Variants in PTPRT observed in about 807,000 individuals in gnomAD.
The protein encoded by PTPRT is protein tyrosine phosphatase receptor type T.
A neutral mutation model predicts 176.8 loss-of-function variants in PTPRT; 56 were observed. That is an observed-to-expected ratio of 0.32 (90% CI 0.26 to 0.40). The LOEUF (loss-of-function observed/expected upper bound fraction) is 0.40, where lower values mean the gene tolerates loss of function less well. PTPRT is among the 10% of genes least tolerant of loss of function. PTPRT has a pLI of 1.00. For missense variants in PTPRT, 1,540 were observed against 1,908.2 expected (o/e 0.81, Z 3.60); for synonymous variants, 783 against 739.0 (o/e 1.06, Z -0.96).
intron 8 of PTPRT, among the ~76,000 whole-genome samples, chr20:42,460,401 G>T (rs757407685): frequency 6.6e-6 from 1 of 152,130 alleles, no homozygotes; most frequent in East Asian, 1.9e-4. Flanking sequence ...TACAATGGTG[G>T]CATCGAGTAG....
At chr20:42,873,393 A>C (rs1028777405) in intron 2 of PTPRT, among the ~76,000 whole-genome samples, 2 of 152,232 alleles carry the variant, frequency 1.3e-5, no homozygotes, top group Non-Finnish European at 2.9e-5. Context: ...CCTGGCACAG[A>C]ATGAGTGCTT....
chr20:43,005,005 C>T (rs1984778459), intron 1 of PTPRT, among the ~76,000 whole-genome samples: 1 of 152,126 alleles, frequency 6.6e-6, no homozygotes, highest in Non-Finnish European at 1.5e-5. Flanking sequence ...CCAAGGCTGC[C>T]TATGTGTCTC....
chr20:42,982,200 C>T (rs1484048430), intron 1 of PTPRT, among the ~76,000 whole-genome samples: 3 of 152,174 alleles, frequency 2.0e-5, no homozygotes, highest in Non-Finnish European at 4.4e-5. Context: ...TTTCTGCCTA[C>T]ACTTACCACC....
intron 30 of PTPRT, 150 bp downstream of exon 30, chr20:42,081,732 G>T: frequency 9.6e-7 from 1 of 1,043,346 alleles, no homozygotes; most frequent in South Asian, 1.5e-5. Context: ...GGAAGACACA[G>T]GACAGACAAC....
chr20:42,330,225 C>T (rs1367465604), intron 11 of PTPRT, among the ~76,000 whole-genome samples: 1 of 152,144 alleles, frequency 6.6e-6, no homozygotes, highest in African/African-American at 2.4e-5. Context: ...AATCCCAGCA[C>T]TTTGGGAGGC....
chr20:42,650,183 A>T (rs763015298), intron 7 of PTPRT, among the ~76,000 whole-genome samples: 3 of 152,224 alleles, frequency 2.0e-5, no homozygotes, highest in African/African-American at 7.2e-5. Context: ...TTTACAGGTG[A>T]TGAAGCACAG....
At chr20:42,149,644 G>A (rs373388299) in intron 17 of PTPRT, among the ~76,000 whole-genome samples, 13 of 151,990 alleles carry the variant, frequency 8.6e-5, no homozygotes, top group Non-Finnish European at 1.5e-4. Flanking sequence ...AGCTGGTCTC[G>A]AACTCCTGAC....
At chr20:42,538,890 C>T (rs2072525571) in intron 7 of PTPRT, among the ~76,000 whole-genome samples, 1 of 152,166 alleles carries the variant, frequency 6.6e-6, no homozygotes, top group African/African-American at 2.4e-5. Context: ...ATGTATCCTC[C>T]TGAATCTTTG....
chr20:42,807,325 G>A (rs979591590), intron 2 of PTPRT, among the ~76,000 whole-genome samples: 1 of 152,190 alleles, frequency 6.6e-6, no homozygotes, highest in African/African-American at 2.4e-5. Context: ...TCTGTCAAAA[G>A]TTCACCTGTC....
At chr20:42,612,602 C>G (rs547925117) in intron 7 of PTPRT, among the ~76,000 whole-genome samples, 1 of 152,168 alleles carries the variant, frequency 6.6e-6, no homozygotes, top group South Asian at 2.1e-4. Flanking sequence ...ATTTCAAGCT[C>G]AAAAAAGTCT....
chr20:42,388,403 T>C lies in PTPRT; in HGVS notation c.1561-36118A>G, dbSNP rs112513361. ...TGACAAAGCGCTAATATCCAGAATC[T>C]ACAAAGCACTTAAACAAATTTACAA... On this transcript the variant is annotated intron_variant, in intron 9 of 30. Transcript: ENST00000373187. 2.7e-3 allele frequency among the ~76,000 whole-genome samples: 409 copies of C among 152,200 alleles called. 3 individuals are homozygous for C. Among genetic ancestry groups the C allele is most frequent in the African/African-American group, 9.2e-3 (380 of 41,502 alleles).
At chr20:43,008,683 T>C (rs1412004476) in intron 1 of PTPRT, among the ~76,000 whole-genome samples, 1 of 151,970 alleles carries the variant, frequency 6.6e-6, no homozygotes, top group African/African-American at 2.4e-5. Context: ...AGAATGAGAC[T>C]CCATCTCAAA....
At chr20:42,294,682 T>G (rs1040681609) in intron 12 of PTPRT, among the ~76,000 whole-genome samples, 3 of 151,106 alleles carry the variant, frequency 2.0e-5, no homozygotes, top group Non-Finnish European at 4.4e-5. Context: ...AATCTACCCC[T>G]AACAAGAAAA....
rs568706841 is a variant in PTPRT, at chr20:42,444,522, A to C, written c.1560+3698T>G. Reference sequence around the variant, plus strand: ...AGGCTGTGACTTGGACTTGTGCAGAAGGAAATTTAATCTGAACCACTTGGA... The same window carrying C: ...AGGCTGTGACTTGGACTTGTGCAGACGGAAATTTAATCTGAACCACTTGGA... On this transcript the variant is annotated intron_variant, in intron 9 of 30. Coordinates refer to ENST00000373187, the MANE Select transcript of PTPRT (RefSeq NM_007050.6). Among the ~76,000 whole-genome samples, 311 of 152,304 alleles carry C rather than the reference A, an allele frequency of 2.0e-3. 2 individuals are homozygous for C. Among genetic ancestry groups the C allele is most frequent in the Non-Finnish European group, 3.7e-3 (251 of 68,020 alleles).
At position 43,003,282 on chromosome 20, in the gene PTPRT, G is replaced by T. The variant is rs528964779; in HGVS notation, c.89-117350C>A. Among the ~76,000 whole-genome samples the T allele has an allele frequency of 2.0e-5, 3 of 152,266 alleles. No individual in the cohort carries two copies. In the East Asian group the frequency reaches 5.8e-4, roughly 29 times the overall value. On this transcript the variant is annotated intron_variant, in intron 1 of 30. Coordinates refer to ENST00000373187, the MANE Select transcript of PTPRT (RefSeq NM_007050.6). Reference sequence around the variant, plus strand: ...AGCTCACTGCAGGTCTACCAACTGGGCTCAAGCAATCCTCCTGCATCAGGC... The same window carrying T: ...AGCTCACTGCAGGTCTACCAACTGGTCTCAAGCAATCCTCCTGCATCAGGC...
intron 12 of PTPRT, among the ~76,000 whole-genome samples, chr20:42,304,982 C>A (rs982926351): frequency 5.9e-5 from 9 of 152,118 alleles, no homozygotes; most frequent in African/African-American, 2.2e-4. Context: ...GTGTACCCTG[C>A]GCTAACCACC....
At chr20:43,073,407 C>T (rs559057070) in intron 1 of PTPRT, among the ~76,000 whole-genome samples, 2 of 151,898 alleles carry the variant, frequency 1.3e-5, no homozygotes, top group Admixed American at 1.3e-4. Context: ...CATGCATCCT[C>T]AAATCTTTAG....
chr20:42,293,029 A>C (rs2057340441), intron 12 of PTPRT, among the ~76,000 whole-genome samples: 1 of 152,168 alleles, frequency 6.6e-6, no homozygotes, highest in African/African-American at 2.4e-5. Flanking sequence ...GGTTACAGAC[A>C]CTTCTAACTG....
In PTPRT at chr20:42,073,064, C is replaced by T. The variant is rs1019190394; in HGVS notation, c.*7815G>A. 5 of 216,482 alleles carry T rather than the reference C, an allele frequency of 2.3e-5. No homozygotes were observed. The highest frequency in any genetic ancestry group is 3.7e-5 in the Non-Finnish European group (4 of 107,246). The allele number at this position is 216,482 out of a possible 1,614,324, so 13.4% of individuals were successfully genotyped here. ...TCTCATACGTGCTTTATCTATCAAA[C>T]ACCCAAACTGTACAAGTGCAGGCCA... On this transcript the variant is annotated 3_prime_UTR_variant, in exon 31 of 31. Transcript: ENST00000373187.
Sources: allele counts gnomAD v4.1 joint callset (sites outside exome capture counted in the v4.1 genomes callset), GRCh38; gene constraint gnomAD v4.1.1; transcripts MANE v1.5; gene names NCBI Gene and HGNC (gene_info 2026-07-23, HGNC 2026-07-21).